The following PTDSS1 variants were observed in gnomAD, a reference collection of about 807,000 sequenced individuals.
PTDSS1 encodes the protein phosphatidylserine synthase 1, also known as PSS-1.
In PTDSS1, 45 loss-of-function variants were observed where a neutral mutation model predicts 70.5. The observed-to-expected ratio is 0.64, with a 90% CI of 0.50 to 0.82. The LOEUF is 0.82. PTDSS1 is among the 40% of genes least tolerant of loss of function. The pLI is 0.00. For synonymous variants in PTDSS1, 188 were observed against 203.8 expected, an observed-to-expected ratio of 0.92 and a Z score of 0.66; for missense variants, 417 against 586.1, an observed-to-expected ratio of 0.71 and a Z score of 2.98.
intron 12 of PTDSS1, among the ~76,000 whole-genome samples, chr8:96,331,809 T>C (rs1811519919): frequency 6.6e-6 from 1 of 151,780 alleles, no homozygotes; most frequent in Non-Finnish European, 1.5e-5. Context: ...CCCAGCGCTT[T>C]GGGATGCCAT....
chr8:96,298,814 G>C (rs1811011156), intron 5 of PTDSS1, among the ~76,000 whole-genome samples: 1 of 152,128 alleles, frequency 6.6e-6, no homozygotes, highest in South Asian at 2.1e-4. Flanking sequence ...GGCTGAGGCA[G>C]GTGGATCATG....
Position 96,262,351 on chromosome 8 carries a change from G to A in PTDSS1, c.179+132G>A. On this transcript the variant is annotated intron_variant, in intron 1 of 12. Transcript: ENST00000517309. This position sits in a 1 kb window ranked among gnomAD's most constrained non-coding sequence, Gnocchi z 4.4. ...CTGGCTGCTCCACGCACACGCACTGGCAGCCCGCCGCCCACGCGGCCCCTC... is the reference window on the plus strand; with the variant it reads ...CTGGCTGCTCCACGCACACGCACTGACAGCCCGCCGCCCACGCGGCCCCTC... 8.4e-7 allele frequency: 1 copy of A among 1,193,008 alleles called. No homozygotes were observed. Among genetic ancestry groups the A allele is most frequent in the South Asian group, 1.6e-5 (1 of 62,624 alleles). 73.9% of individuals were successfully genotyped at this position (1,193,008 alleles called of 1,614,324 possible).
intron 7 of PTDSS1, 127 bp downstream of exon 7, chr8:96,304,308 G>T: frequency 8.9e-7 from 1 of 1,126,666 alleles, no homozygotes; most frequent in Non-Finnish European, 1.2e-6. Flanking sequence ...ATAATATTCT[G>T]CAGCTGGCAT....
At position 96,262,381 on chromosome 8, in the gene PTDSS1, C is replaced by T. The variant is rs1810420036; in HGVS notation, c.179+162C>T. Among the ~76,000 whole-genome samples, 1 of 152,168 alleles carries T rather than the reference C, an allele frequency of 6.6e-6. No homozygotes were observed. The highest frequency in any genetic ancestry group is 6.5e-5 in the Admixed American group (1 of 15,286). ...CCGCCGCCCACGCGGCCCCTCCGCCCGCCCGGTGTCTCACAGTACGCTAGC... is the reference window on the plus strand; with the variant it reads ...CCGCCGCCCACGCGGCCCCTCCGCCTGCCCGGTGTCTCACAGTACGCTAGC... On this transcript the variant is annotated intron_variant, in intron 1 of 12. Coordinates refer to ENST00000517309, the MANE Select transcript of PTDSS1 (RefSeq NM_014754.3). The surrounding 1 kb of genome is among the most constrained non-coding windows in gnomAD (Gnocchi z 4.4).
chr8:96,328,016 G>T (rs1294706969), intron 10 of PTDSS1, among the ~76,000 whole-genome samples: 1 of 152,164 alleles, frequency 6.6e-6, no homozygotes. Flanking sequence ...AGTAGATTTG[G>T]CAATCACAAC....
At chr8:96,290,199 A>T (rs184539497) in intron 4 of PTDSS1, among the ~76,000 whole-genome samples, 1 of 152,326 alleles carries the variant, frequency 6.6e-6, no homozygotes, top group Admixed American at 6.5e-5. Context: ...TAGTTATAAA[A>T]ATAAGTGCTT....
intron 1 of PTDSS1, among the ~76,000 whole-genome samples, chr8:96,270,701 A>T (rs1055785039): frequency 2.0e-5 from 3 of 152,218 alleles, no homozygotes; most frequent in African/African-American, 7.2e-5. Context: ...TTTTCAGTTT[A>T]TCCAAAGACC....
rs570182496 is a variant in PTDSS1 at position 96,269,636 on chromosome 8, G to A, written c.180-3663G>A. 3.2e-4 allele frequency among the ~76,000 whole-genome samples: 48 copies of A among 152,270 alleles called. No individual in the cohort carries two copies. In the Middle Eastern group the frequency reaches 0.01, roughly 33 times the overall value. On this transcript the variant is annotated intron_variant, in intron 1 of 12. Coordinates refer to ENST00000517309, the MANE Select transcript of PTDSS1 (RefSeq NM_014754.3). ...AACCACACTGCAGCCTCACAAAGCC[G>A]TAGGAGACAATTACAATCCCACCAA...
Position 96,299,773 on chromosome 8 carries a change from G to A in PTDSS1, c.680G>A (p.Gly227Asp). The change falls in exon 6 of 13, where the codon GGC becomes GAC. Residue 227 changes from glycine to aspartate, a missense_variant. Physicochemically the swap from Gly to Asp is moderately conservative, Grantham distance 94 (BLOSUM62 -1). This residue lies in a region of PTDSS1 where 272 missense variants were observed against 429.5 expected (regional missense o/e 0.63). Transcript: ENST00000517309. ...ATTCTGGACATCCTGTTGTGCAATG[G>A]CGGTGGCATTTGGCTGGGCATGGTC... ...QVILDILLCN[G>D]GGIWLGMVVC... The A allele has an allele frequency of 6.2e-7, 1 of 1,614,156 alleles. No individual in the cohort carries two copies. Among genetic ancestry groups the A allele is most frequent in the African/African-American group, 1.3e-5 (1 of 75,034 alleles).
intron 1 of PTDSS1, among the ~76,000 whole-genome samples, chr8:96,263,953 T>C (rs1415946087): frequency 6.6e-6 from 1 of 152,206 alleles, no homozygotes; most frequent in Non-Finnish European, 1.5e-5. Flanking sequence ...TGTTTATCCA[T>C]TTGAAAGAAT....
At chr8:96,290,894 ATAT>A (rs1466468671) in intron 4 of PTDSS1, among the ~76,000 whole-genome samples, 2 of 147,996 alleles carry the variant, frequency 1.4e-5, no homozygotes, top group Non-Finnish European at 3.0e-5. Context: ...TATATTATAA[ATAT>A]TATAAACATT....
At chr8:96,287,754 CA>C (rs919854185) in intron 4 of PTDSS1, among the ~76,000 whole-genome samples, 21 of 145,850 alleles carry the variant, frequency 1.4e-4, no homozygotes, top group Non-Finnish European at 3.0e-4. Context: ...TCGAACCATA[CA>C]AAAAAATTTT....
chr8:96,294,589 G>A (rs955952091), intron 4 of PTDSS1, among the ~76,000 whole-genome samples: 78 of 151,872 alleles, frequency 5.1e-4, no homozygotes, highest in African/African-American at 1.7e-3. Context: ...CTTTTTTCTA[G>A]CATAACTATT....
chr8:96,319,499 A>AAG (rs1364724901), intron 9 of PTDSS1, among the ~76,000 whole-genome samples: 6 of 151,986 alleles, frequency 3.9e-5, no homozygotes, highest in Non-Finnish European at 8.8e-5. Context: ...GTTTCTTAAA[A>AAG]AAAAACAAAA....
At chr8:96,291,649 T>C (rs1490620714) in intron 4 of PTDSS1, among the ~76,000 whole-genome samples, 1 of 152,198 alleles carries the variant, frequency 6.6e-6, no homozygotes, top group Non-Finnish European at 1.5e-5. Flanking sequence ...GTCCTGAAAA[T>C]TTATTTGTCA....
chr8:96,267,058 G>A (rs1358421905), intron 1 of PTDSS1, among the ~76,000 whole-genome samples: 1 of 152,076 alleles, frequency 6.6e-6, no homozygotes, highest in African/African-American at 2.4e-5. Context: ...CTTAATTCAA[G>A]TTCATCTGTT....
In PTDSS1 at chr8:96,309,548, T is replaced by C. The variant is rs1447874528; in HGVS notation, c.1008-9T>C. On this transcript the variant is annotated splice_polypyrimidine_tract_variant and intron_variant, in intron 8 of 12. Coordinates refer to ENST00000517309, the MANE Select transcript of PTDSS1 (RefSeq NM_014754.3). ...CAGCTCTCAATGAATTCCAACTTTGTTCTTTCAGACAGTACTACGCTTACC... is the reference window on the plus strand; with the variant it reads ...CAGCTCTCAATGAATTCCAACTTTGCTCTTTCAGACAGTACTACGCTTACC... 3 of 1,612,370 alleles carry C rather than the reference T, an allele frequency of 1.9e-6. No homozygotes were observed. The highest frequency in any genetic ancestry group is 1.7e-6 in the Non-Finnish European group (2 of 1,178,620).
chr8:96,303,932 C>T (rs193186105), intron 6 of PTDSS1, 108 bp from the exon 7 acceptor site: 11 of 1,229,786 alleles, frequency 8.9e-6, no homozygotes, highest in South Asian at 7.6e-5. Context: ...GTCTCTTTGT[C>T]CTGAGCATTT....
chr8:96,333,262 C>T (rs1811543449), intron 12 of PTDSS1, among the ~76,000 whole-genome samples, 195 bp from the exon 13 acceptor site: 1 of 152,096 alleles, frequency 6.6e-6, no homozygotes. Flanking sequence ...CGTTGAACCC[C>T]GCGCCACCGC....
Sources: gnomAD v4.1 joint callset for allele counts (sites outside exome capture counted in the v4.1 genomes callset) on GRCh38, gnomAD v4.1.1 for gene constraint, gnomAD v4.1.1 regional missense constraint, Gnocchi (gnomAD v3.1) non-coding constraint, MANE v1.5 for transcripts, NCBI Gene and HGNC (gene_info 2026-07-23, HGNC 2026-07-21) for gene names.